CNTNAP2: variants seen among roughly 807,000 people sequenced by gnomAD.
CNTNAP2 encodes the protein contactin-associated protein-like 2.
A neutral mutation model predicts 155.2 loss-of-function variants in CNTNAP2; 98 were observed. That is an observed-to-expected ratio of 0.63 (90% CI 0.54 to 0.75). The LOEUF is 0.75. Ranked by LOEUF, CNTNAP2 falls within the 30% of genes least tolerant of loss-of-function variation. The pLI, the probability that CNTNAP2 is intolerant of heterozygous loss-of-function variation, is 0.00. For synonymous variants in CNTNAP2, 651 were observed against 631.2 expected (o/e 1.03, Z -0.47); for missense variants, 1,727 against 1,688.1 (o/e 1.02, Z -0.40).
intron 1 of CNTNAP2, among the ~76,000 whole-genome samples, chr7:146,355,805 G>T (rs1238451654): frequency 6.6e-6 from 1 of 151,846 alleles, no homozygotes; most frequent in Non-Finnish European, 1.5e-5. Flanking sequence ...GTGACTAAAA[G>T]AGAGAAATGT....
chr7:146,762,322 C>A (rs1455133425), intron 1 of CNTNAP2, among the ~76,000 whole-genome samples: 1 of 152,094 alleles, frequency 6.6e-6, no homozygotes, highest in East Asian at 1.9e-4. Context: ...AATCCCTGGC[C>A]AGGTGTGGTG....
At chr7:148,269,186 A>T (rs1796729838) in intron 21 of CNTNAP2, among the ~76,000 whole-genome samples, 1 of 152,198 alleles carries the variant, frequency 6.6e-6, no homozygotes, top group Admixed American at 6.5e-5. Context: ...GTGGCAAGTG[A>T]TAAATCAAAG....
intron 21 of CNTNAP2, among the ~76,000 whole-genome samples, chr7:148,267,998 G>A (rs1424169660): frequency 6.6e-6 from 1 of 152,204 alleles, no homozygotes; most frequent in Non-Finnish European, 1.5e-5. Context: ...ATGTGCGACT[G>A]TGAATTCCAG....
At chr7:148,216,238 G>C (rs950650173) in intron 18 of CNTNAP2, among the ~76,000 whole-genome samples, 1 of 152,170 alleles carries the variant, frequency 6.6e-6, no homozygotes, top group African/African-American at 2.4e-5. Context: ...CTAGGAAAAG[G>C]CTGATGCAGG....
At chr7:147,453,645 T>A (rs1237758397) in intron 10 of CNTNAP2, among the ~76,000 whole-genome samples, 3 of 152,194 alleles carry the variant, frequency 2.0e-5, no homozygotes, top group Admixed American at 1.3e-4. Flanking sequence ...CTCGTGTAAG[T>A]GAGCCTGAAA....
chr7:147,566,540 A>G (rs1047972628), intron 12 of CNTNAP2, among the ~76,000 whole-genome samples: 1 of 152,162 alleles, frequency 6.6e-6, no homozygotes, highest in African/African-American at 2.4e-5. Flanking sequence ...GCCTCTGGAA[A>G]TTTACAATCA....
In CNTNAP2 at chr7:146,117,366, G is replaced by T. The variant is rs143872873; in HGVS notation, c.97+393G>T. 2.6e-4 allele frequency: 48 copies of T among 181,162 alleles called. No homozygotes were observed. The South Asian group carries it at 4.9e-3, about 19-fold the overall frequency. 11.2% of individuals were successfully genotyped at this position (181,162 alleles called of 1,614,324 possible). Reference sequence around the variant, plus strand: ...ACCAAGTTTCTTATTTTTATTTATGGTTATAACTTAATGAGCACGGGGTTG... The same window carrying T: ...ACCAAGTTTCTTATTTTTATTTATGTTTATAACTTAATGAGCACGGGGTTG... On this transcript the variant is annotated intron_variant, in intron 1 of 23. Coordinates refer to ENST00000361727, the MANE Select transcript of CNTNAP2 (RefSeq NM_014141.6).
At chr7:147,107,123 G>A (rs1800781385) in intron 4 of CNTNAP2, among the ~76,000 whole-genome samples, 1 of 152,096 alleles carries the variant, frequency 6.6e-6, no homozygotes, top group Admixed American at 6.6e-5. Flanking sequence ...ATAGTCTATT[G>A]AAAAGATTTT....
chr7:147,784,781 T>C (rs1409006771), intron 13 of CNTNAP2, among the ~76,000 whole-genome samples: 2 of 151,724 alleles, frequency 1.3e-5, no homozygotes, highest in African/African-American at 4.8e-5. Context: ...ATTGGCAGAC[T>C]GTGGTAGAAG....
At chr7:148,394,378 G>T (rs761522735) in intron 22 of CNTNAP2, among the ~76,000 whole-genome samples, 1 of 152,048 alleles carries the variant, frequency 6.6e-6, no homozygotes, top group Admixed American at 6.6e-5. Flanking sequence ...TTGTGACATG[G>T]GAGCAAACTG....
intron 14 of CNTNAP2, among the ~76,000 whole-genome samples, chr7:147,930,556 C>T (rs1016574762): frequency 2.0e-5 from 3 of 152,174 alleles, no homozygotes; most frequent in African/African-American, 7.2e-5. Flanking sequence ...ATGCACCCAG[C>T]ATCAGTACCT....
chr7:147,691,029 G>A (rs538698188), intron 13 of CNTNAP2, among the ~76,000 whole-genome samples: 1 of 152,092 alleles, frequency 6.6e-6, no homozygotes, highest in East Asian at 1.9e-4. Context: ...GATAATTTGT[G>A]TCTGTTAATG....
intron 13 of CNTNAP2, among the ~76,000 whole-genome samples, chr7:147,688,552 A>G (rs1419695244): frequency 6.6e-6 from 1 of 152,104 alleles, no homozygotes; most frequent in Non-Finnish European, 1.5e-5. Context: ...TGCTTCTTAG[A>G]TTCTGTTTGC....
intron 1 of CNTNAP2, among the ~76,000 whole-genome samples, chr7:146,263,795 G>A (rs537825879): frequency 1.3e-5 from 2 of 152,148 alleles, no homozygotes; most frequent in African/African-American, 4.8e-5. Context: ...CAAGTATAAA[G>A]GGAAAATAGA....
chr7:148,243,342 T>C (rs1796194411), intron 20 of CNTNAP2, among the ~76,000 whole-genome samples: 1 of 152,290 alleles, frequency 6.6e-6, no homozygotes, highest in African/African-American at 2.4e-5. Flanking sequence ...TGACCATCTC[T>C]GAGAACCTGT....
chr7:147,807,341 A>T (rs1054808684), intron 13 of CNTNAP2, among the ~76,000 whole-genome samples: 1 of 150,718 alleles, frequency 6.6e-6, no homozygotes, highest in African/African-American at 2.4e-5. Flanking sequence ...AAAAAAAAAA[A>T]AAAACGAAAA....
At chr7:148,371,999 G>A (rs1585317224) in intron 21 of CNTNAP2, among the ~76,000 whole-genome samples, 2 of 152,104 alleles carry the variant, frequency 1.3e-5, no homozygotes, top group South Asian at 4.1e-4. Context: ...AGGAGATCGA[G>A]ACCAGCCTGG....
chr7:146,935,115 G>A (rs1466453316), intron 3 of CNTNAP2, among the ~76,000 whole-genome samples: 1 of 152,250 alleles, frequency 6.6e-6, no homozygotes, highest in South Asian at 2.1e-4. Flanking sequence ...GAACCTTTAA[G>A]GTAAATCTAA....
chr7:147,471,404 A>G (rs961085743), intron 10 of CNTNAP2, among the ~76,000 whole-genome samples: 2 of 152,202 alleles, frequency 1.3e-5, no homozygotes, highest in African/African-American at 4.8e-5. Flanking sequence ...TTGGGGGATG[A>G]GGGTAGCTAT....
Sources: allele counts gnomAD v4.1 joint callset (sites outside exome capture counted in the v4.1 genomes callset), GRCh38; gene constraint gnomAD v4.1.1; transcripts MANE v1.5; gene names NCBI Gene and HGNC (gene_info 2026-07-23, HGNC 2026-07-21).